The following ARL6IP1 variants were observed in gnomAD, a reference collection of about 807,000 sequenced individuals.
ARL6IP1 encodes ARL6 interacting reticulophagy regulator 1, also known as ADP-ribosylation factor-like protein 6-interacting protein 1.
A neutral mutation model predicts 30.1 loss-of-function variants in ARL6IP1; 16 were observed. The observed-to-expected ratio is 0.53, with a 90% CI of 0.36 to 0.81. The LOEUF (loss-of-function observed/expected upper bound fraction) is 0.81. ARL6IP1 is among the 30% of genes least tolerant of loss of function. ARL6IP1 has a pLI of 0.01. For synonymous variants in ARL6IP1, 72 were observed against 84.8 expected (o/e 0.85, Z 0.83); for missense variants, 173 against 242.7 (o/e 0.71, Z 1.91).
intron 1 of ARL6IP1, among the ~76,000 whole-genome samples, chr16:18,799,196 G>C (rs1344182218): frequency 2.0e-5 from 3 of 152,026 alleles, no homozygotes; most frequent in Non-Finnish European, 2.9e-5. Flanking sequence ...ATTTTTTGTA[G>C]AGACAGGGTT....
intron 4 of ARL6IP1, 36 bp from the exon 5 acceptor site, chr16:18,794,719 C>T: frequency 7.2e-7 from 1 of 1,392,310 alleles, no homozygotes; most frequent in East Asian, 2.3e-5. Flanking sequence ...ATCAAAACTT[C>T]ATGTGACACC....
intron 2 of ARL6IP1, chr16:18,798,391 T>C (rs1471350975): frequency 9.3e-6 from 3 of 324,296 alleles, no homozygotes; most frequent in Non-Finnish European, 1.7e-5. Flanking sequence ...TATATATACC[T>C]ATGTAACAAA....
rs757018142 is a variant in ARL6IP1 at position 18,795,544 on chromosome 16, T to G, written c.328A>C (p.Ser110Arg). Residue 110 changes from serine (S) to arginine (R), a missense_variant, in exon 4 of 6, where the codon AGC becomes CGC. By Grantham distance (110) the Ser-to-Arg change is moderately radical. Coordinates refer to ENST00000304414, the MANE Select transcript of ARL6IP1 (RefSeq NM_015161.3). ...EQQQRFHEIC[S>R]NLVKTRRRAV... ...CTGCGTCGAGTTTTTACTAGATTGC[T>G]GCAAATTTCATGGAATCTTTGCTGT... The G allele has an allele frequency of 6.2e-7, 1 of 1,613,716 alleles. No homozygotes were observed. Among genetic ancestry groups the G allele is most frequent in the Admixed American group, 1.7e-5 (1 of 60,026 alleles).
rs1429492510 is a variant in ARL6IP1, at chr16:18,791,913, GAGA to G, written c.*1336_*1338del. ...CACTGTTCACAGCAATATTAAAGAG[GAGA>G]AAACAACACTTATTTAATAGGGACA... On this transcript the variant is annotated 3_prime_UTR_variant, in exon 6 of 6. Coordinates refer to ENST00000304414, the MANE Select transcript of ARL6IP1 (RefSeq NM_015161.3). 1 of 152,530 alleles carries G rather than the reference GAGA, an allele frequency of 6.6e-6. No individual in the cohort carries two copies. The highest frequency in any genetic ancestry group is 1.5e-5 in the Non-Finnish European group (1 of 68,026). The allele number at this position is 152,530 out of a possible 1,614,324, so 9.4% of individuals were successfully genotyped here. A position where few individuals can be genotyped will look rare whatever the true frequency, so the allele number is the denominator to read the frequency against.
At chr16:18,800,981 T>G (rs2030388487) in intron 1 of ARL6IP1, among the ~76,000 whole-genome samples, 1 of 152,222 alleles carries the variant, frequency 6.6e-6, no homozygotes, top group South Asian at 2.1e-4. Flanking sequence ...TAAGATAAAT[T>G]CTGGGCAGTA....
Position 18,798,725 on chromosome 16 carries a change from A to T in ARL6IP1, c.146T>A (p.Met49Lys), listed in dbSNP as rs2030317435. The change falls in exon 2 of 6, where the codon ATG (methionine) becomes AAG (lysine). Residue 49 changes from methionine (M) to lysine (K), a missense_variant. Coordinates refer to ENST00000304414, the MANE Select transcript of ARL6IP1 (RefSeq NM_015161.3). ...CAGAAACACCAAAGAAACCACACCC[A>T]TGATGGCAGGTGGAAACCAGGCTCT... ...WERAWFPPAI[M>K]GVVSLVFLII... 3 of 1,614,204 alleles carry T rather than the reference A, an allele frequency of 1.9e-6. No individual in the cohort carries two copies. Among genetic ancestry groups the T allele is most frequent in the Non-Finnish European group, 2.5e-6 (3 of 1,180,040 alleles).
At chr16:18,797,453 C>T (rs530127219) in intron 3 of ARL6IP1, among the ~76,000 whole-genome samples, 21 of 151,860 alleles carry the variant, frequency 1.4e-4, no homozygotes, top group African/African-American at 3.9e-4. Context: ...TGAACCTCTT[C>T]GGAAACACTT....
intron 4 of ARL6IP1, chr16:18,795,118 G>C (rs927925751): frequency 1.9e-5 from 4 of 211,618 alleles, no homozygotes; most frequent in Non-Finnish European, 3.8e-5. Context: ...CTGCAGCCTC[G>C]ACCTCCAGGG....
At position 18,791,717 on chromosome 16, in the gene ARL6IP1, G is replaced by A. The variant is rs2030074366; in HGVS notation, c.*1535C>T. 6.6e-6 allele frequency: 1 copy of A among 152,058 alleles called. No homozygotes were observed. 9.4% of individuals were successfully genotyped at this position (152,058 alleles called of 1,614,324 possible). On this transcript the variant is annotated 3_prime_UTR_variant, in exon 6 of 6. Transcript: ENST00000304414. ...TTCCCCTTTTACACAAAACAAAGTA[G>A]AAGAAATAATACAGGATTAAAACTG... is the stretch of plus-strand genomic sequence containing the variant.
chr16:18,799,977 G>A lies in ARL6IP1; in HGVS notation c.37-1143C>T, dbSNP rs573585344. ...AACCCAGCACTTGGCGGGTCGGGGG[G>A]GATTGCTTGAGCCCAGGAGATCGGG... On this transcript the variant is annotated intron_variant, in intron 1 of 5. Coordinates refer to ENST00000304414, the MANE Select transcript of ARL6IP1 (RefSeq NM_015161.3). 9.2e-5 allele frequency among the ~76,000 whole-genome samples: 14 copies of A among 152,284 alleles called. No individual in the cohort carries two copies. The South Asian group carries it at 2.5e-3, about 27-fold the overall frequency.
At position 18,801,463 on chromosome 16, in the gene ARL6IP1, C is replaced by A; in HGVS notation, c.4G>T (p.Ala2Ser). 6.2e-7 allele frequency: 1 copy of A among 1,613,084 alleles called. No homozygotes were observed. Among genetic ancestry groups the A allele is most frequent in the Non-Finnish European group, 8.5e-7 (1 of 1,179,722 alleles). Residue 2 changes from alanine (A) to serine (S), a missense_variant, in exon 1 of 6, where the codon GCG becomes TCG. By Grantham distance (99) the Ala-to-Ser change is moderately conservative. Coordinates refer to ENST00000304414, the MANE Select transcript of ARL6IP1 (RefSeq NM_015161.3). M[A>S]EGDNRSTNLL... Reference sequence around the variant, plus strand: ...TTGGTGCTGCGATTATCTCCCTCCGCCATCGTCTCGGGGATGCAGTCTCTA... The same window carrying A: ...TTGGTGCTGCGATTATCTCCCTCCGACATCGTCTCGGGGATGCAGTCTCTA...
chr16:18,801,545 A>T lies in ARL6IP1; in HGVS notation c.-79T>A. 6.4e-7 allele frequency: 1 copy of T among 1,561,894 alleles called. No homozygotes were observed. The highest frequency in any genetic ancestry group is 8.7e-7 in the Non-Finnish European group (1 of 1,151,530). On this transcript the variant is annotated 5_prime_UTR_variant, in exon 1 of 6. Transcript: ENST00000304414. The stretch of plus-strand genomic sequence containing the variant: ...CAACCGAAACCCGCACACCAACCAC[A>T]ACCCGAGGGAACGCCCCGCAGGCTG...
chr16:18,794,921 G>A (rs2030183958), intron 4 of ARL6IP1, among the ~76,000 whole-genome samples: 1 of 151,844 alleles, frequency 6.6e-6, no homozygotes, highest in African/African-American at 2.4e-5. Context: ...AATATTTTAT[G>A]ATATAAATTA....
chr16:18,797,363 C>T (rs182182482), intron 3 of ARL6IP1, among the ~76,000 whole-genome samples: 1,559 of 138,188 alleles, frequency 0.011, 12 homozygotes, highest in Non-Finnish European at 0.017. Context: ...GCCTGGGCAA[C>T]AGAGCGAGCC....
At chr16:18,793,805 G>T (rs1021433351) in intron 5 of ARL6IP1, among the ~76,000 whole-genome samples, 1 of 152,210 alleles carries the variant, frequency 6.6e-6, no homozygotes, top group Non-Finnish European at 1.5e-5. Context: ...CACCTCCCAG[G>T]TTCAAGCGAT....
rs545640828 is a variant in ARL6IP1, at chr16:18,801,521, A to C, written c.-55T>G. The C allele has an allele frequency of 6.9e-6, 11 of 1,596,950 alleles. No homozygotes were observed. Among genetic ancestry groups the C allele is most frequent in the Admixed American group, 5.4e-5 (3 of 55,786 alleles). On this transcript the variant is annotated 5_prime_UTR_variant, in exon 1 of 6. Coordinates refer to ENST00000304414, the MANE Select transcript of ARL6IP1 (RefSeq NM_015161.3). ...AGGCCACCTCCCCAACGAGTCCTCC[A>C]ACCGAAACCCGCACACCAACCACAA...
At chr16:18,793,393 C>A in intron 5 of ARL6IP1, 23 bp from the exon 6 acceptor site, 2 of 1,356,258 alleles carry the variant, frequency 1.5e-6, no homozygotes, top group Admixed American at 2.2e-5. Context: ...AAAAACCCAA[C>A]ATTAAGGAGG....
Position 18,798,836 on chromosome 16 carries a change from T to C in ARL6IP1, c.37-2A>G. The C allele has an allele frequency of 6.2e-7, 1 of 1,613,420 alleles. No individual in the cohort carries two copies. The highest frequency in any genetic ancestry group is 8.5e-7 in the Non-Finnish European group (1 of 1,179,712). Reference sequence around the variant, plus strand: ...TTCCAGACTTGCAGTCTCTGCAGCCTAAATACCACCGACATTTAAAGTGAT... The same window carrying C: ...TTCCAGACTTGCAGTCTCTGCAGCCCAAATACCACCGACATTTAAAGTGAT... On this transcript the variant is annotated splice_acceptor_variant, in intron 1 of 5. Coordinates refer to ENST00000304414, the MANE Select transcript of ARL6IP1 (RefSeq NM_015161.3). LOFTEE classifies it high-confidence loss of function.
At chr16:18,795,297 AT>A (rs934847834) in intron 4 of ARL6IP1, 166 bp downstream of exon 4, 4 of 484,330 alleles carry the variant, frequency 8.3e-6, no homozygotes, top group African/African-American at 7.8e-5. Flanking sequence ...CAAAAATGTA[AT>A]TTTTAACTTT....
Sources: allele counts gnomAD v4.1 joint callset (sites outside exome capture counted in the v4.1 genomes callset), GRCh38; gene constraint gnomAD v4.1.1; transcripts MANE v1.5; gene names NCBI Gene and HGNC (gene_info 2026-07-23, HGNC 2026-07-21).